Variants in POGLUT3 observed in about 807,000 individuals in gnomAD.
POGLUT3 encodes KDEL (Lys-Asp-Glu-Leu) containing 2.
POGLUT3 carries 48 observed loss-of-function variants against 54.3 expected under a neutral mutation model. The observed-to-expected ratio is 0.88, with a 90% CI of 0.70 to 1.12. The LOEUF (loss-of-function observed/expected upper bound fraction) is 1.12, where lower values mean the gene tolerates loss of function less well. Ranked by LOEUF, POGLUT3 falls within the 50% of genes most tolerant of loss-of-function variation. The pLI, the probability that POGLUT3 is intolerant of heterozygous loss-of-function variation, is 0.00. For missense variants in POGLUT3, 629 were observed against 618.7 expected, an observed-to-expected ratio of 1.02 and a Z score of -0.18; for synonymous variants, 218 against 237.4, an observed-to-expected ratio of 0.92 and a Z score of 0.75.
At chr11:108,480,460 T>C (rs2093590311) in intron 5 of POGLUT3, among the ~76,000 whole-genome samples, 1 of 152,230 alleles carries the variant, frequency 6.6e-6, no homozygotes, top group Non-Finnish European at 1.5e-5. Flanking sequence ...TTTTTGTTTT[T>C]ACAAATGAGA....
chr11:108,493,803 C>CAAAAAAA (rs11351337), intron 1 of POGLUT3, among the ~76,000 whole-genome samples: 2 of 82,076 alleles, frequency 2.4e-5, no homozygotes, highest in Non-Finnish European at 2.4e-5. Context: ...GACTCTGTCT[C>CAAAAAAA]AAAAAAAAAA....
chr11:108,491,104 A>G lies in POGLUT3; in HGVS notation c.266T>C (p.Val89Ala). Residue 89 changes from valine (V) to alanine (A), a missense_variant, in exon 2 of 8, where the codon GTC becomes GCC. Physicochemically the swap from Val to Ala is moderately conservative, Grantham distance 64. Coordinates refer to ENST00000323468, the MANE Select transcript of POGLUT3 (RefSeq NM_153705.5). ...ATCATTCCTGTCCAAAGGTTTAGGG[A>G]CATGTATCCGGACCAACTCTTTAGG... ...LSPKELVRIH[V>A]PKPLDRNDGT... is the part of the protein sequence containing the mutation. 1 of 1,614,136 alleles carries G rather than the reference A, an allele frequency of 6.2e-7. No individual in the cohort carries two copies. Among genetic ancestry groups the G allele is most frequent in the Non-Finnish European group, 8.5e-7 (1 of 1,179,984 alleles).
At chr11:108,487,772 T>C (rs541790723) in intron 2 of POGLUT3, among the ~76,000 whole-genome samples, 3 of 151,126 alleles carry the variant, frequency 2.0e-5, no homozygotes, top group African/African-American at 4.9e-5. Context: ...CCACCATGTT[T>C]GGCTAATTTT....
chr11:108,479,098 C>T (rs1591639799), intron 6 of POGLUT3, among the ~76,000 whole-genome samples: 1 of 152,160 alleles, frequency 6.6e-6, no homozygotes, highest in East Asian at 1.9e-4. Flanking sequence ...TTCAAATCTT[C>T]TGAAAATCTT....
intron 1 of POGLUT3, among the ~76,000 whole-genome samples, chr11:108,495,579 C>CT (rs2093620851): frequency 6.6e-6 from 1 of 152,170 alleles, no homozygotes; most frequent in African/African-American, 2.4e-5. Flanking sequence ...ACCTTTTTAA[C>CT]TGGAAGCCAG....
At position 108,478,095 on chromosome 11, in the gene POGLUT3, T is replaced by G. The variant is rs538603402; in HGVS notation, c.1294-384A>C. ...CCCGGGAGGCAGAGGTTGCAGTGAG[T>G]GGAGATCGTGCCACTGCATTCCAGC... On this transcript the variant is annotated intron_variant, in intron 6 of 7. Coordinates refer to ENST00000323468, the MANE Select transcript of POGLUT3 (RefSeq NM_153705.5). 18 of 193,852 alleles carry G rather than the reference T, an allele frequency of 9.3e-5. 1 individual carries two copies. Among genetic ancestry groups the G allele is most frequent in the Non-Finnish European group, 1.8e-4 (17 of 95,180 alleles). 12.0% of individuals were successfully genotyped at this position (193,852 alleles called of 1,614,324 possible).
intron 7 of POGLUT3, among the ~76,000 whole-genome samples, chr11:108,476,325 G>A (rs2093581693): frequency 6.6e-6 from 1 of 152,082 alleles, no homozygotes; most frequent in Non-Finnish European, 1.5e-5. Flanking sequence ...TAGAGACGGG[G>A]TTTGACCATG....
At chr11:108,494,450 T>C (rs186619954) in intron 1 of POGLUT3, among the ~76,000 whole-genome samples, 9 of 152,322 alleles carry the variant, frequency 5.9e-5, no homozygotes, top group Admixed American at 2.6e-4. Context: ...TAAACTGACG[T>C]ACGACAATCA....
intron 7 of POGLUT3, 29 bp from the exon 8 acceptor site, chr11:108,474,981 A>G (rs2093577821): frequency 6.2e-7 from 1 of 1,611,326 alleles, no homozygotes; most frequent in Non-Finnish European, 8.5e-7. Context: ...GGGAACTGAA[A>G]GGTTAGTTCA....
At chr11:108,497,745 A>G (rs2093624667) in intron 1 of POGLUT3, among the ~76,000 whole-genome samples, 1 of 152,186 alleles carries the variant, frequency 6.6e-6, no homozygotes, top group Non-Finnish European at 1.5e-5. Flanking sequence ...CGTTGCTCCA[A>G]ACCCACCAGG....
chr11:108,477,964 C>G, intron 6 of POGLUT3: 1 of 431,516 alleles, frequency 2.3e-6, no homozygotes, highest in Non-Finnish European at 4.1e-6. Context: ...GTCTGGCCAA[C>G]ATGGTGAAAC....
intron 6 of POGLUT3, 195 bp from the exon 7 acceptor site, chr11:108,477,906 T>C: frequency 1.8e-6 from 1 of 570,702 alleles, no homozygotes; most frequent in Non-Finnish European, 3.1e-6. Context: ...CCCAGTACTT[T>C]GGGGGCCCAA....
intron 2 of POGLUT3, among the ~76,000 whole-genome samples, chr11:108,487,216 C>T (rs1328222214): frequency 2.0e-5 from 3 of 150,568 alleles, no homozygotes; most frequent in Middle Eastern, 3.4e-3. Context: ...CCCTCCCAAC[C>T]ACCCCCACCC....
At position 108,486,249 on chromosome 11, in the gene POGLUT3, T is replaced by A. The variant is rs367685422; in HGVS notation, c.592A>T (p.Ile198Phe). ...CTCCGGTAAACATGGTTATTGAGAATCGTGTAATGAACAATGGCACCTCTC... is the reference window on the plus strand; with the variant it reads ...CTCCGGTAAACATGGTTATTGAGAAACGTGTAATGAACAATGGCACCTCTC... ...DERGAIVHYTILNNHVYRRSL... is the reference protein window; with the variant it reads ...DERGAIVHYTFLNNHVYRRSL... Residue 198 changes from isoleucine to phenylalanine, a missense_variant, in exon 3 of 8, where the codon ATT (isoleucine) becomes TTT (phenylalanine). Physicochemically the swap from Ile to Phe is conservative, Grantham distance 21. Transcript: ENST00000323468. The A allele has an allele frequency of 7.4e-6, 12 of 1,613,724 alleles. No individual in the cohort carries two copies. The highest frequency in any genetic ancestry group is 1.0e-5 in the Non-Finnish European group (12 of 1,179,696).
At chr11:108,492,223 T>C (rs182508169) in intron 1 of POGLUT3, among the ~76,000 whole-genome samples, 1 of 152,254 alleles carries the variant, frequency 6.6e-6, no homozygotes, top group Non-Finnish European at 1.5e-5. Context: ...GGGGTTTCTG[T>C]TCTACGTAAA....
chr11:108,492,843 C>A (rs572907012), intron 1 of POGLUT3, among the ~76,000 whole-genome samples: 143 of 152,220 alleles, frequency 9.4e-4, no homozygotes, highest in Non-Finnish European at 1.7e-3. Context: ...TGGCCAGTTA[C>A]CTGAACTGCA....
chr11:108,495,099 G>A (rs1409061150), intron 1 of POGLUT3, among the ~76,000 whole-genome samples: 3 of 152,168 alleles, frequency 2.0e-5, no homozygotes, highest in Non-Finnish European at 4.4e-5. Context: ...GCATAATAGT[G>A]GCATTCAGGG....
intron 1 of POGLUT3, among the ~76,000 whole-genome samples, chr11:108,494,089 G>A (rs2093618029): frequency 6.6e-6 from 1 of 152,134 alleles, no homozygotes; most frequent in African/African-American, 2.4e-5. Flanking sequence ...TTTGAGGTAG[G>A]TATCTGTCAC....
rs2093602004 is a variant in POGLUT3, at chr11:108,485,686, C to G, written c.684+471G>C. Among the ~76,000 whole-genome samples, 4 of 144,900 alleles carry G rather than the reference C, an allele frequency of 2.8e-5. 1 individual carries two copies. In the Admixed American group the frequency reaches 2.8e-4, roughly 10 times the overall value. ...TTTATTTATTTATTTGAGATGGAGT[C>G]TCACTCTGTCACCCAGGTTGGAGTG... On this transcript the variant is annotated intron_variant, in intron 3 of 7. Coordinates refer to ENST00000323468, the MANE Select transcript of POGLUT3 (RefSeq NM_153705.5).
Sources: gnomAD v4.1 joint callset for allele counts (sites outside exome capture counted in the v4.1 genomes callset) on GRCh38, gnomAD v4.1.1 for gene constraint, MANE v1.5 for transcripts, NCBI Gene and HGNC (gene_info 2026-07-23, HGNC 2026-07-21) for gene names.